CAPN11: variants seen among roughly 807,000 people sequenced by gnomAD.
The protein encoded by CAPN11 is calpain-11.
CAPN11 carries 108 observed loss-of-function variants against 105.3 expected under a neutral mutation model. The ratio of observed to expected loss-of-function variants is 1.03; its 90% CI spans 0.88 to 1.20. The LOEUF is 1.20. CAPN11 is among the 50% of genes most tolerant of loss of function. CAPN11 has a pLI of 0.00. For missense variants in CAPN11, 883 were observed against 924.8 expected, an observed-to-expected ratio of 0.95 and a Z score of 0.59; for synonymous variants, 329 against 344.5, an observed-to-expected ratio of 0.96 and a Z score of 0.50.
At chr6:44,164,935 G>C (rs1769545193) in intron 1 of CAPN11, among the ~76,000 whole-genome samples, 1 of 151,944 alleles carries the variant, frequency 6.6e-6, no homozygotes, top group Admixed American at 6.6e-5. Context: ...TGCCACCCAG[G>C]CTGGGGTGCA....
rs748532581 is a variant in CAPN11, at chr6:44,179,639, G to T, written c.1428+9G>T. Reference sequence around the variant, plus strand: ...CCCAGGTCCCAAAAGAGGTACAGAAGATAAAGATGTGGGGCTTGTTCCTGG... The same window carrying T: ...CCCAGGTCCCAAAAGAGGTACAGAATATAAAGATGTGGGGCTTGTTCCTGG... On this transcript the variant is annotated intron_variant, in intron 13 of 22. Transcript: ENST00000398776. 1.2e-6 allele frequency: 2 copies of T among 1,612,942 alleles called. No homozygotes were observed. The highest frequency in any genetic ancestry group is 1.7e-6 in the Non-Finnish European group (2 of 1,178,910).
chr6:44,170,106 C>G (rs1014570863), intron 4 of CAPN11, 131 bp downstream of exon 4: 47 of 703,816 alleles, frequency 6.7e-5, no homozygotes, highest in Middle Eastern at 7.6e-4. Context: ...CCTGTCCCTC[C>G]CCTTCTGAGG....
chr6:44,158,848 C>T lies in CAPN11; in HGVS notation c.-1C>T, dbSNP rs971250787. ...TGTCAAGCACCGAGCTAGCCACCAG[C>T]ATGCTGTACTCCCCAGGTAGGCACT... On this transcript the variant is annotated 5_prime_UTR_variant, in exon 1 of 23. Transcript: ENST00000398776. 7 of 1,551,380 alleles carry T rather than the reference C, an allele frequency of 4.5e-6. No individual in the cohort carries two copies. Among genetic ancestry groups the T allele is most frequent in the Non-Finnish European group, 6.1e-6 (7 of 1,146,806 alleles).
chr6:44,163,796 A>C (rs1769333458), intron 1 of CAPN11, among the ~76,000 whole-genome samples: 1 of 152,192 alleles, frequency 6.6e-6, no homozygotes, highest in South Asian at 2.1e-4. Context: ...TCTGTGGAGA[A>C]GCAAAATTCA....
intron 1 of CAPN11, among the ~76,000 whole-genome samples, chr6:44,162,845 C>T (rs919158725): frequency 1.2e-4 from 18 of 152,178 alleles, no homozygotes; most frequent in African/African-American, 4.3e-4. Flanking sequence ...AGAATAAATT[C>T]TCCATAAAAC....
At chr6:44,180,829 C>T (rs1485661517) in intron 17 of CAPN11, 24 bp downstream of exon 17, 2 of 1,612,316 alleles carry the variant, frequency 1.2e-6, no homozygotes, top group African/African-American at 1.3e-5. Flanking sequence ...TCCTGCTGCA[C>T]ACGACCCCTC....
rs369869962 is a variant in CAPN11, at chr6:44,176,330, G to C, written c.993G>C (p.Trp331Cys). ...PWGRIEWNGA[W>C]SDSAREWEEV... ...GCCGGATTGAGTGGAATGGAGCTTG[G>C]AGTGACAGGTAGGTGTCCCCAACCC... Residue 331 changes from tryptophan to cysteine, a missense_variant, in exon 9 of 23, where the codon TGG becomes TGC. Transcript: ENST00000398776. 1 of 1,613,796 alleles carries C rather than the reference G, an allele frequency of 6.2e-7. No individual in the cohort carries two copies. Among genetic ancestry groups the C allele is most frequent in the East Asian group, 2.2e-5 (1 of 44,880 alleles).
At chr6:44,166,938 T>TGGGGTGGGGGGGGGGGG in intron 2 of CAPN11, 109 bp downstream of exon 2, 1 of 276,496 alleles carries the variant, frequency 3.6e-6, no homozygotes, top group Non-Finnish European at 7.2e-6. Context: ...TCATGTTGTG[T>TGGGGTGGGGGGGGGGGG]GGGGAGGGCG....
chr6:44,172,304 G>C lies in CAPN11; in HGVS notation c.412G>C (p.Asp138His), dbSNP rs202080178. The C allele has an allele frequency of 6.4e-7, 1 of 1,551,270 alleles. No individual in the cohort carries two copies. The highest frequency in any genetic ancestry group is 8.7e-7 in the Non-Finnish European group (1 of 1,147,278). ...CAAAGCCCTGCCTGTCTTTCCAGGG[G>C]ACTGCTGGCTGCTGGCTGCCATCGG... The part of the protein sequence containing the change: ...PTDICQGILG[D>H]CWLLAAIGSL... The change falls in exon 5 of 23, where the codon GAC becomes CAC. Residue 138 changes from aspartate (D) to histidine (H), a missense_variant and splice_region_variant. By Grantham distance (81) the Asp-to-His change is moderately conservative (BLOSUM62 -1). Transcript: ENST00000398776.
Position 44,179,940 on chromosome 6 carries a change from G to C in CAPN11, c.1429-12G>C, listed in dbSNP as rs984751596. On this transcript the variant is annotated splice_polypyrimidine_tract_variant and intron_variant, in intron 13 of 22. Transcript: ENST00000398776. ...CATGCCAGTCCTGTACCCACTTCCA[G>C]GATGCATATAGTTTCAGAACATTCA... 1.2e-6 allele frequency: 2 copies of C among 1,600,258 alleles called. No homozygotes were observed. The highest frequency in any genetic ancestry group is 1.7e-5 in the Admixed American group (1 of 59,964).
intron 7 of CAPN11, 29 bp from the exon 8 acceptor site, chr6:44,176,039 C>T: frequency 2.0e-6 from 3 of 1,534,416 alleles, no homozygotes; most frequent in Non-Finnish European, 1.8e-6. Context: ...CCATGCCCTC[C>T]ATGCTCTCCC....
intron 19 of CAPN11, among the ~76,000 whole-genome samples, chr6:44,181,953 T>TCA (rs757994415): frequency 2.6e-5 from 1 of 38,006 alleles, no homozygotes; most frequent in Non-Finnish European, 5.1e-5. Context: ...CACACCACAC[T>TCA]CACACACACA....
intron 1 of CAPN11, among the ~76,000 whole-genome samples, chr6:44,162,709 T>C (rs1769119109): frequency 6.6e-6 from 1 of 152,118 alleles, no homozygotes; most frequent in Non-Finnish European, 1.5e-5. Context: ...TGGTGGCCCC[T>C]TTTCATGGCA....
chr6:44,171,684 T>TA (rs1771032998), intron 4 of CAPN11, among the ~76,000 whole-genome samples: 10 of 107,246 alleles, frequency 9.3e-5, no homozygotes, highest in Admixed American at 1.8e-4. Context: ...AAAATTTACT[T>TA]TAAAAAAAAA....
chr6:44,183,132 C>T lies in CAPN11; in HGVS notation c.2031C>T (p.Asn677=), dbSNP rs759782009. ...LVIEKAGIKL[N]NKVMQVLVAR... ...TCCCTCTCTCAGGCATCAAGCTGAACAACAAGGTAATGCAGGTCCTGGTGG... is the reference window on the plus strand; with the variant it reads ...TCCCTCTCTCAGGCATCAAGCTGAATAACAAGGTAATGCAGGTCCTGGTGG... The change falls in exon 21 of 23, where the codon AAC becomes AAT. Residue 677 remains asparagine, a synonymous_variant. Coordinates refer to ENST00000398776, the MANE Select transcript of CAPN11 (RefSeq NM_007058.4). 1 of 1,612,934 alleles carries T rather than the reference C, an allele frequency of 6.2e-7. No homozygotes were observed. Among genetic ancestry groups the T allele is most frequent in the Admixed American group, 1.7e-5 (1 of 60,026 alleles).
Position 44,183,108 on chromosome 6 carries a change from C to T in CAPN11, c.2018-11C>T. On this transcript the variant is annotated splice_polypyrimidine_tract_variant and intron_variant, in intron 20 of 22. Coordinates refer to ENST00000398776, the MANE Select transcript of CAPN11 (RefSeq NM_007058.4). ...ACTTTTCCCCTCCCCACTTCTCTCT[C>T]CCTCTCTCAGGCATCAAGCTGAACA... 4 of 1,606,132 alleles carry T rather than the reference C, an allele frequency of 2.5e-6. No individual in the cohort carries two copies. Among genetic ancestry groups the T allele is most frequent in the South Asian group, 2.2e-5 (2 of 90,930 alleles).
intron 12 of CAPN11, 68 bp downstream of exon 12, chr6:44,177,488 C>T (rs1772288382): frequency 3.5e-6 from 5 of 1,411,180 alleles, no homozygotes; most frequent in Middle Eastern, 2.5e-4. Flanking sequence ...TTCTTTCTTT[C>T]TTTCTTTTTT....
chr6:44,176,590 G>C lies in CAPN11; in HGVS notation c.1011G>C (p.Glu337Asp), dbSNP rs1349907184. Residue 337 changes from glutamate (E) to aspartate (D), a missense_variant, in exon 10 of 23, where the codon GAG becomes GAC. Physicochemically the swap from Glu to Asp is conservative, Grantham distance 45. Coordinates refer to ENST00000398776, the MANE Select transcript of CAPN11 (RefSeq NM_007058.4). ...WNGAWSDSAR[E>D]WEEVASDIQM... ...CCCATCTCTGCTCCAGTGCCAGGGAGTGGGAAGAGGTGGCCTCAGACATCC... is the reference window on the plus strand; with the variant it reads ...CCCATCTCTGCTCCAGTGCCAGGGACTGGGAAGAGGTGGCCTCAGACATCC... The C allele has an allele frequency of 6.2e-7, 1 of 1,612,114 alleles. No individual in the cohort carries two copies. The highest frequency in any genetic ancestry group is 2.2e-5 in the East Asian group (1 of 44,808).
intron 7 of CAPN11, 50 bp from the exon 8 acceptor site, chr6:44,176,018 C>T (rs1582877534): frequency 2.3e-6 from 3 of 1,290,142 alleles, no homozygotes; most frequent in South Asian, 1.2e-5. Context: ...AGTCCAGGTC[C>T]TCCATGCCCT....
Sources: allele counts gnomAD v4.1 joint callset (sites outside exome capture counted in the v4.1 genomes callset), GRCh38; gene constraint gnomAD v4.1.1; transcripts MANE v1.5; gene names NCBI Gene and HGNC (gene_info 2026-07-23, HGNC 2026-07-21).